Variants in LOX observed in about 807,000 individuals in gnomAD.
LOX encodes the protein lysyl oxidase.
A neutral mutation model predicts 50.5 loss-of-function variants in LOX; 12 were observed. The ratio of observed to expected loss-of-function variants is 0.24; its 90% CI spans 0.15 to 0.38. The LOEUF is 0.38. Ranked by LOEUF, LOX falls within the 10% of genes least tolerant of loss-of-function variation. The pLI is 1.00. For synonymous variants in LOX, 254 were observed against 230.6 expected (o/e 1.10, Z -0.92); for missense variants, 504 against 563.8 (o/e 0.89, Z 1.07).
At chr5:122,067,021 G>A (rs1193201304) in intron 6 of LOX, among the ~76,000 whole-genome samples, 1 of 152,072 alleles carries the variant, frequency 6.6e-6, no homozygotes, top group African/African-American at 2.4e-5. Context: ...AGTACAGCAG[G>A]ACTTCTGGGA....
chr5:122,073,479 C>G (rs1190345534), intron 4 of LOX, among the ~76,000 whole-genome samples: 1 of 152,172 alleles, frequency 6.6e-6, no homozygotes, highest in Non-Finnish European at 1.5e-5. Context: ...CCTCCATTTG[C>G]TAACCGCAAC....
chr5:122,071,288 G>GCA (rs1754445004), intron 4 of LOX, among the ~76,000 whole-genome samples: 1 of 151,524 alleles, frequency 6.6e-6, no homozygotes, highest in Admixed American at 6.6e-5. Context: ...GAAAACTAAG[G>GCA]CACACTAAGA....
At chr5:122,074,633 C>T (rs1015337338) in intron 3 of LOX, among the ~76,000 whole-genome samples, 1 of 152,146 alleles carries the variant, frequency 6.6e-6, no homozygotes, top group African/African-American at 2.4e-5. Context: ...AGGGAGAACT[C>T]ATGGCATGTT....
chr5:122,074,631 C>T (rs1005169184), intron 3 of LOX, among the ~76,000 whole-genome samples: 3 of 152,148 alleles, frequency 2.0e-5, no homozygotes, highest in African/African-American at 4.8e-5. Context: ...CAAGGGAGAA[C>T]TCATGGCATG....
intron 2 of LOX, 52 bp downstream of exon 2, chr5:122,076,841 C>T: frequency 6.6e-7 from 1 of 1,506,896 alleles, no homozygotes; most frequent in Non-Finnish European, 9.2e-7. Flanking sequence ...GGCACCAGAG[C>T]GCCCCCTGAA....
In LOX at chr5:122,078,193, T is replaced by G; in HGVS notation, c.-208A>C. On this transcript the variant is annotated 5_prime_UTR_variant, in exon 1 of 7. Coordinates refer to ENST00000231004, the MANE Select transcript of LOX (RefSeq NM_002317.7). ...CTGCTCGGACGTGGCACCCTTCCCT[T>G]TCCCCTTTCTCAGTCCTGGAAGGCA... The G allele has an allele frequency of 2.2e-6, 1 of 449,292 alleles. No homozygotes were observed. Among genetic ancestry groups the G allele is most frequent in the Non-Finnish European group, 3.8e-6 (1 of 263,706 alleles). 27.8% of individuals were successfully genotyped at this position (449,292 alleles called of 1,614,324 possible). A position where few individuals can be genotyped will look rare whatever the true frequency, so the allele number is the denominator to read the frequency against.
In LOX at chr5:122,066,025, A is replaced by G. The variant is rs1322761108; in HGVS notation, c.*718T>C. On this transcript the variant is annotated 3_prime_UTR_variant, in exon 7 of 7. Coordinates refer to ENST00000231004, the MANE Select transcript of LOX (RefSeq NM_002317.7). ...AAATGATAGAGGGCAGCCTCAAGAAATATCAGACAGGATTGGGCAGCTCCC... is the reference window on the plus strand; with the variant it reads ...AAATGATAGAGGGCAGCCTCAAGAAGTATCAGACAGGATTGGGCAGCTCCC... The G allele has an allele frequency of 6.6e-6, 1 of 152,122 alleles. No homozygotes were observed. The highest frequency in any genetic ancestry group is 2.4e-5 in the African/African-American group (1 of 41,440). 9.4% of individuals were successfully genotyped at this position (152,122 alleles called of 1,614,324 possible).
rs529331343 is a variant in LOX at position 122,070,075 on chromosome 5, C to T, written c.1225G>A (p.Ala409Thr). 3 of 1,611,568 alleles carry T rather than the reference C, an allele frequency of 1.9e-6. No individual in the cohort carries two copies. Among genetic ancestry groups the T allele is most frequent in the African/African-American group, 2.7e-5 (2 of 74,940 alleles). Residue 409 changes from alanine (A) to threonine (T), a missense_variant, in exon 6 of 7, where the codon GCC (alanine) becomes ACC (threonine). By Grantham distance (58) the Ala-to-Thr change is moderately conservative (BLOSUM62 0). Around this residue, in one of 2 missense-constraint regions of LOX, gnomAD observed 106 missense variants for 198.1 expected, o/e 0.54. Transcript: ENST00000231004. ...DIRYTGHHAY[A>T]SGCTISPY ...TACGGTGAAATTGTGCAGCCTGAGG[C>T]ATACGCATGATGTCCTGTGTAGCGA...
intron 2 of LOX, chr5:122,075,905 T>A (rs1030825930): frequency 6.4e-6 from 1 of 155,624 alleles, no homozygotes; most frequent in African/African-American, 2.4e-5. Context: ...GTGGAAATAA[T>A]CCCCCAATAA....
Position 122,077,324 on chromosome 5 carries a change from G to T in LOX, c.631+31C>A, listed in dbSNP as rs754642286. On this transcript the variant is annotated intron_variant, in intron 1 of 6. Coordinates refer to ENST00000231004, the MANE Select transcript of LOX (RefSeq NM_002317.7). The surrounding 1 kb of genome is among the most constrained non-coding windows in gnomAD (Gnocchi z 4.9). ...CCACATAGCTGGGGACCAGGTGCAC[G>T]GGTGCTTCCAGCGGACTTGGGGGTA... is the stretch of plus-strand genomic sequence containing the variant. 8.1e-6 allele frequency: 13 copies of T among 1,613,022 alleles called. No individual in the cohort carries two copies. In the East Asian group the frequency reaches 2.7e-4, roughly 33 times the overall value.
rs1350964467 is a variant in LOX, at chr5:122,066,746, A to T, written c.1251T>A (p.Tyr417Ter). 2 of 1,597,216 alleles carry T rather than the reference A, an allele frequency of 1.3e-6. No individual in the cohort carries two copies. Among genetic ancestry groups the T allele is most frequent in the African/African-American group, 2.7e-5 (2 of 74,514 alleles). Residue 417 changes from tyrosine to a stop codon, truncating the protein, a stop_gained, in exon 7 of 7, where the codon TAT becomes TAA. Coordinates refer to ENST00000231004, the MANE Select transcript of LOX (RefSeq NM_002317.7). LOFTEE classifies it high-confidence loss of function. ...AYASGCTISP[Y>*] is the part of the protein sequence containing the mutation. ...ATTGGGAGTTTTGCTTTGCCTTCTA[A>T]TACCTAGATTAAGAAGACAAAATAA...
chr5:122,075,934 G>A (rs1198782658), intron 2 of LOX: 1 of 152,942 alleles, frequency 6.5e-6, no homozygotes, highest in African/African-American at 2.4e-5. Flanking sequence ...ATTCATAGAT[G>A]TTTATTACAA....
Position 122,064,684 on chromosome 5 carries a change from G to A in LOX, c.*2059C>T, listed in dbSNP as rs1754251653. On this transcript the variant is annotated 3_prime_UTR_variant, in exon 7 of 7. Coordinates refer to ENST00000231004, the MANE Select transcript of LOX (RefSeq NM_002317.7). ...TAAGATGAACCTTATGGGTAATAAT[G>A]GGATTTTTAATACTTATTGAGGTTA... The A allele has an allele frequency of 6.6e-6, 1 of 151,846 alleles. No homozygotes were observed. Among genetic ancestry groups the A allele is most frequent in the African/African-American group, 2.4e-5 (1 of 41,354 alleles). The allele number at this position is 151,846 out of a possible 1,614,324, so 9.4% of individuals were successfully genotyped here.
chr5:122,074,243 C>G (rs1372498395), intron 3 of LOX, 74 bp from the exon 4 acceptor site: 3 of 1,268,704 alleles, frequency 2.4e-6, no homozygotes, highest in Non-Finnish European at 3.3e-6. Flanking sequence ...AAATGACTTC[C>G]CCCATGGCTT....
Position 122,077,990 on chromosome 5 carries a change from C to G in LOX, c.-5G>C. ...CACGGTCCAGGCGAAGCGCATCACT[C>G]CTTTTGCCAGATTGACCCCGCTCGA... On this transcript the variant is annotated 5_prime_UTR_variant, in exon 1 of 7. Coordinates refer to ENST00000231004, the MANE Select transcript of LOX (RefSeq NM_002317.7). The surrounding 1 kb of genome is among the most constrained non-coding windows in gnomAD (Gnocchi z 4.9). 6.9e-7 allele frequency: 1 copy of G among 1,446,312 alleles called. No individual in the cohort carries two copies. The highest frequency in any genetic ancestry group is 9.1e-7 in the Non-Finnish European group (1 of 1,102,092). 89.6% of individuals were successfully genotyped at this position (1,446,312 alleles called of 1,614,324 possible). A position where few individuals can be genotyped will look rare whatever the true frequency, so the allele number is the denominator to read the frequency against.
At chr5:122,073,080 A>G (rs1754496960) in intron 4 of LOX, among the ~76,000 whole-genome samples, 1 of 152,172 alleles carries the variant, frequency 6.6e-6, no homozygotes. Flanking sequence ...CAATGGTAAC[A>G]TTTAGGTCAC....
rs1754305266 is a variant in LOX at position 122,066,601 on chromosome 5, T to C, written c.*142A>G. The C allele has an allele frequency of 3.1e-6, 2 of 640,590 alleles. No homozygotes were observed. The highest frequency in any genetic ancestry group is 2.6e-5 in the East Asian group (1 of 38,506). 39.7% of individuals were successfully genotyped at this position (640,590 alleles called of 1,614,324 possible). On this transcript the variant is annotated 3_prime_UTR_variant, in exon 7 of 7. Transcript: ENST00000231004. ...CAAAATCCAGTTATGTGCTTTGTTA[T>C]TGAAAACAGTCCAAACAAAAATTCT...
At chr5:122,075,769 A>C (rs903389445) in intron 2 of LOX, among the ~76,000 whole-genome samples, 1 of 152,204 alleles carries the variant, frequency 6.6e-6, no homozygotes, top group East Asian at 1.9e-4. Context: ...GAATAAGTGA[A>C]TGAATAACAC....
rs556521876 is a variant in LOX, at chr5:122,075,501, C to A, written c.781G>T (p.Val261Leu). 1 of 1,612,606 alleles carries A rather than the reference C, an allele frequency of 6.2e-7. No homozygotes were observed. The highest frequency in any genetic ancestry group is 8.5e-7 in the Non-Finnish European group (1 of 1,179,238). ...RADVRDYDHR[V>L]LLRFPQRVKN... The stretch of plus-strand genomic sequence containing the variant: ...ACTCTTTGGGGAAATCTGAGCAGCA[C>A]CCTGTGATCATAATCTCTGACATCT... Residue 261 changes from valine (V) to leucine (L), a missense_variant, in exon 3 of 7, where the codon GTG becomes TTG. Coordinates refer to ENST00000231004, the MANE Select transcript of LOX (RefSeq NM_002317.7).
Sources: gnomAD v4.1 joint callset for allele counts (sites outside exome capture counted in the v4.1 genomes callset) on GRCh38, gnomAD v4.1.1 for gene constraint, gnomAD v4.1.1 regional missense constraint, Gnocchi (gnomAD v3.1) non-coding constraint, MANE v1.5 for transcripts, NCBI Gene and HGNC (gene_info 2026-07-23, HGNC 2026-07-21) for gene names.